The following BAIAP2L1 variants were observed in gnomAD, a reference collection of about 807,000 sequenced individuals.
The protein encoded by BAIAP2L1 is BAR/IMD domain containing adaptor protein 2 like 1.
A neutral mutation model predicts 66.3 loss-of-function variants in BAIAP2L1; 35 were observed. The ratio of observed to expected loss-of-function variants is 0.53; its 90% CI spans 0.40 to 0.70. The LOEUF (loss-of-function observed/expected upper bound fraction) is 0.70. Among genes scored for constraint, BAIAP2L1 ranks in the 30% least tolerant of loss-of-function variants. BAIAP2L1 has a pLI of 0.00. For missense variants in BAIAP2L1, 622 were observed against 656.9 expected (o/e 0.95, Z 0.58); for synonymous variants, 269 against 248.7 (o/e 1.08, Z -0.77).
At chr7:98,397,968 C>T (rs1803255994) in intron 1 of BAIAP2L1, among the ~76,000 whole-genome samples, 1 of 151,852 alleles carries the variant, frequency 6.6e-6, no homozygotes. Flanking sequence ...AATGTGTACA[C>T]AGCATATATT....
chr7:98,372,960 G>A (rs911608156), intron 1 of BAIAP2L1, among the ~76,000 whole-genome samples: 1 of 152,198 alleles, frequency 6.6e-6, no homozygotes, highest in South Asian at 2.1e-4. Context: ...GGCTGGTCTC[G>A]AGCTCCTGAC....
At position 98,356,801 on chromosome 7, in the gene BAIAP2L1, A is replaced by AC. The variant is rs201427561; in HGVS notation, c.128-1674dup. Among the ~76,000 whole-genome samples the AC allele has an allele frequency of 2.4e-3, 345 of 145,568 alleles. 2 individuals are homozygous for AC. Among genetic ancestry groups the AC allele is most frequent in the African/African-American group, 7.7e-3 (303 of 39,228 alleles). On this transcript the variant is annotated intron_variant, in intron 2 of 13. Transcript: ENST00000005260. ...AGACCAGCCTGGGCAACATAAGGAG[A>AC]CCCCCCCATATCTCTACTGAAAACA...
chr7:98,379,200 A>G (rs1277754012), intron 1 of BAIAP2L1, among the ~76,000 whole-genome samples: 1 of 151,992 alleles, frequency 6.6e-6, no homozygotes, highest in Non-Finnish European at 1.5e-5. Context: ...TCTTAATGTA[A>G]CCACCACCGC....
At chr7:98,303,734 A>C (rs1022631699) in intron 12 of BAIAP2L1, among the ~76,000 whole-genome samples, 33 of 152,160 alleles carry the variant, frequency 2.2e-4, no homozygotes, top group African/African-American at 8.0e-4. Flanking sequence ...GTTAACCCTA[A>C]ACGCCGTGCC....
chr7:98,300,368 G>A (rs1013753381), intron 12 of BAIAP2L1, among the ~76,000 whole-genome samples: 28 of 152,350 alleles, frequency 1.8e-4, no homozygotes, highest in East Asian at 1.9e-4. Flanking sequence ...TGGATGAAAC[G>A]TGGTCACTTG....
At chr7:98,317,993 C>T (rs1053995462) in intron 5 of BAIAP2L1, among the ~76,000 whole-genome samples, 20 of 151,710 alleles carry the variant, frequency 1.3e-4, no homozygotes, top group Non-Finnish European at 2.1e-4. Context: ...GGACCCTCAC[C>T]CCGCAGCTCA....
intron 1 of BAIAP2L1, among the ~76,000 whole-genome samples, chr7:98,398,865 A>T (rs1803282366): frequency 6.6e-6 from 1 of 152,214 alleles, no homozygotes; most frequent in African/African-American, 2.4e-5. Flanking sequence ...CAGACTGGGA[A>T]GATACACAGG....
chr7:98,331,770 A>C (rs577376583), intron 3 of BAIAP2L1, among the ~76,000 whole-genome samples: 3 of 152,182 alleles, frequency 2.0e-5, no homozygotes, highest in Admixed American at 2.0e-4. Context: ...TGCCTAGCCA[A>C]GAAAAATCTT....
intron 3 of BAIAP2L1, among the ~76,000 whole-genome samples, chr7:98,333,094 G>C (rs1167319111): frequency 1.3e-5 from 2 of 152,108 alleles, no homozygotes; most frequent in African/African-American, 4.8e-5. Context: ...GTTCCCCGCA[G>C]TGCACGTCCC....
chr7:98,379,683 A>G (rs939031975), intron 1 of BAIAP2L1, among the ~76,000 whole-genome samples: 16 of 152,230 alleles, frequency 1.1e-4, no homozygotes, highest in African/African-American at 3.6e-4. Flanking sequence ...CATGTCCATC[A>G]ACTGGTGAAT....
intron 1 of BAIAP2L1, among the ~76,000 whole-genome samples, chr7:98,389,523 G>A (rs1448408992): frequency 2.0e-5 from 3 of 152,020 alleles, no homozygotes; most frequent in South Asian, 4.1e-4. Flanking sequence ...GTTTCACCAT[G>A]TTGGCCAAGC....
chr7:98,312,227 T>C lies in BAIAP2L1; in HGVS notation c.677A>G (p.Gln226Arg), dbSNP rs747498394. 1 of 1,613,662 alleles carries C rather than the reference T, an allele frequency of 6.2e-7. No individual in the cohort carries two copies. The change falls in exon 8 of 14, where the codon CAG (glutamine) becomes CGG (arginine). Residue 226 changes from glutamine to arginine, a missense_variant. Gln to Arg is a conservative substitution (Grantham distance 43). Coordinates refer to ENST00000005260, the MANE Select transcript of BAIAP2L1 (RefSeq NM_018842.5). ...ELLNSKLPRW[Q>R]ETCVDAIKVP... ...TTTGATGGCATCAACACAGGTCTCC[T>C]GCCACCGAGGCAGCTTGGAATTCAG...
chr7:98,308,067 G>C, intron 9 of BAIAP2L1, 171 bp from the exon 10 acceptor site: 1 of 733,974 alleles, frequency 1.4e-6, no homozygotes. Flanking sequence ...AGAAGGAACA[G>C]GGACTGTTGA....
At chr7:98,325,997 C>A (rs1801374061) in intron 3 of BAIAP2L1, among the ~76,000 whole-genome samples, 1 of 152,214 alleles carries the variant, frequency 6.6e-6, no homozygotes, top group African/African-American at 2.4e-5. Flanking sequence ...CAACACTGCA[C>A]AAGCAGCGGG....
rs149467807 is a variant in BAIAP2L1, at chr7:98,388,119, T to C, written c.51+12683A>G. Among the ~76,000 whole-genome samples the C allele has an allele frequency of 1.8e-3, 269 of 152,246 alleles. 2 individuals are homozygous for C. Among genetic ancestry groups the C allele is most frequent in the Non-Finnish European group, 3.0e-3 (204 of 68,028 alleles). Reference sequence around the variant, plus strand: ...AACACACGCTATGCCTACTAACAGTTAGCCCTAATTGAATACCTACGATGC... The same window carrying C: ...AACACACGCTATGCCTACTAACAGTCAGCCCTAATTGAATACCTACGATGC... On this transcript the variant is annotated intron_variant, in intron 1 of 13. Coordinates refer to ENST00000005260, the MANE Select transcript of BAIAP2L1 (RefSeq NM_018842.5).
intron 1 of BAIAP2L1, among the ~76,000 whole-genome samples, chr7:98,396,886 G>A (rs879416198): frequency 1.6e-4 from 25 of 152,168 alleles, no homozygotes; most frequent in Non-Finnish European, 3.1e-4. Flanking sequence ...AAGTATCATC[G>A]GAGGGCGCCA....
intron 3 of BAIAP2L1, among the ~76,000 whole-genome samples, chr7:98,343,455 T>C (rs1562777717): frequency 1.3e-5 from 2 of 151,672 alleles, no homozygotes; most frequent in Non-Finnish European, 2.9e-5. Context: ...TGTCTCAAAA[T>C]AAATAAATAA....
At chr7:98,305,633 G>A (rs1202003497) in intron 11 of BAIAP2L1, among the ~76,000 whole-genome samples, 7 of 152,126 alleles carry the variant, frequency 4.6e-5, no homozygotes, top group Non-Finnish European at 8.8e-5. Context: ...ATGTTGCGCA[G>A]GCTGGTCCTG....
chr7:98,292,848 C>G lies in BAIAP2L1; in HGVS notation c.*673G>C, dbSNP rs571732895. 4 of 1,459,546 alleles carry G rather than the reference C, an allele frequency of 2.7e-6. No individual in the cohort carries two copies. The highest frequency in any genetic ancestry group is 3.6e-6 in the Non-Finnish European group (4 of 1,104,922). 90.4% of individuals were successfully genotyped at this position (1,459,546 alleles called of 1,614,324 possible). A position where few individuals can be genotyped will look rare whatever the true frequency, so the allele number is the denominator to read the frequency against. Reference sequence around the variant, plus strand: ...TGTGCAGCGAATCCGTTGGCGACTCCTAACTACCAAGAAAAGGAGCTCTCG... The same window carrying G: ...TGTGCAGCGAATCCGTTGGCGACTCGTAACTACCAAGAAAAGGAGCTCTCG... On this transcript the variant is annotated 3_prime_UTR_variant, in exon 14 of 14. Coordinates refer to ENST00000005260, the MANE Select transcript of BAIAP2L1 (RefSeq NM_018842.5).
Sources: allele counts gnomAD v4.1 joint callset (sites outside exome capture counted in the v4.1 genomes callset), GRCh38; gene constraint gnomAD v4.1.1; transcripts MANE v1.5; gene names NCBI Gene and HGNC (gene_info 2026-07-23, HGNC 2026-07-21).